The following TGFB2 variants were observed in gnomAD, a reference collection of about 807,000 sequenced individuals.
TGFB2 encodes the protein transforming growth factor beta 2.
A neutral mutation model predicts 42.7 loss-of-function variants in TGFB2; 13 were observed. The observed-to-expected ratio is 0.30, with a 90% CI of 0.20 to 0.48. The LOEUF (loss-of-function observed/expected upper bound fraction) is 0.48, where lower values mean the gene tolerates loss of function less well. Among genes scored for constraint, TGFB2 ranks in the 20% least tolerant of loss-of-function variants. TGFB2 has a pLI of 0.99. For synonymous variants in TGFB2, 193 were observed against 193.6 expected, an observed-to-expected ratio of 1.00 and a Z score of 0.03; for missense variants, 390 against 517.5, an observed-to-expected ratio of 0.75 and a Z score of 2.39.
chr1:218,408,325 G>A (rs1384632310), intron 2 of TGFB2, among the ~76,000 whole-genome samples: 1 of 152,100 alleles, frequency 6.6e-6, no homozygotes. Flanking sequence ...CTTGGTAGAT[G>A]TGCCTCAGAG....
At chr1:218,357,069 G>C (rs550893170) in intron 1 of TGFB2, among the ~76,000 whole-genome samples, 32 of 152,054 alleles carry the variant, frequency 2.1e-4, no homozygotes, top group African/African-American at 7.0e-4. Flanking sequence ...AAAATTAGCC[G>C]GGCATGGTGG....
rs576293141 is a variant in TGFB2, at chr1:218,393,137, A to G, written c.347-12032A>G. ...ACCCGCTACACCCATTAAGCATGTC[A>G]AAAGTCCATACTAGTCATTACAGAG... On this transcript the variant is annotated intron_variant, in intron 1 of 6. Transcript: ENST00000366930. 2.0e-5 allele frequency among the ~76,000 whole-genome samples: 3 copies of G among 152,326 alleles called. No homozygotes were observed. The South Asian group carries it at 6.2e-4, about 32-fold the overall frequency.
intron 1 of TGFB2, among the ~76,000 whole-genome samples, chr1:218,350,336 CA>C (rs1656830439): frequency 6.6e-6 from 1 of 152,142 alleles, no homozygotes; most frequent in African/African-American, 2.4e-5. Flanking sequence ...GAACGTTTGG[CA>C]ATGTCCAGAG....
Position 218,434,392 on chromosome 1 carries a change from C to T in TGFB2, c.698C>T (p.Pro233Leu), listed in dbSNP as rs1477299082. 3 of 1,613,816 alleles carry T rather than the reference C, an allele frequency of 1.9e-6. No individual in the cohort carries two copies. The Admixed American group carries it at 5.0e-5, about 27-fold the overall frequency. The change falls in exon 4 of 7, where the codon CCA (proline) becomes CTA (leucine). Residue 233 changes from proline to leucine, a missense_variant. Transcript: ENST00000366930. ...CACTGTCCCTGCTGCACTTTTGTACCATCTAATAATTACATCATCCCAAAT... is the reference window on the plus strand; with the variant it reads ...CACTGTCCCTGCTGCACTTTTGTACTATCTAATAATTACATCATCCCAAAT... ...SLHCPCCTFV[P>L]SNNYIIPNKS...
At chr1:218,405,080 A>T in intron 1 of TGFB2, 89 bp from the exon 2 acceptor site, 2 of 1,393,744 alleles carry the variant, frequency 1.4e-6, no homozygotes, top group Non-Finnish European at 1.9e-6. Flanking sequence ...TATTTCCCTT[A>T]TGGTTTCTTG....
At chr1:218,381,907 T>C (rs1049710434) in intron 1 of TGFB2, among the ~76,000 whole-genome samples, 1 of 152,182 alleles carries the variant, frequency 6.6e-6, no homozygotes, top group African/African-American at 2.4e-5. Flanking sequence ...AGGGAAGATT[T>C]ATTTTTAAAT....
At chr1:218,422,811 G>A (rs1453496325) in intron 2 of TGFB2, among the ~76,000 whole-genome samples, 3 of 152,092 alleles carry the variant, frequency 2.0e-5, no homozygotes, top group African/African-American at 7.2e-5. Context: ...ATAATGCAAT[G>A]CTTTGCTTAC....
intron 1 of TGFB2, among the ~76,000 whole-genome samples, chr1:218,368,037 G>A (rs1443213674): frequency 2.6e-5 from 4 of 152,136 alleles, no homozygotes; most frequent in African/African-American, 4.8e-5. Context: ...TCTTGACCTC[G>A]TGATCCGCCT....
intron 1 of TGFB2, among the ~76,000 whole-genome samples, chr1:218,386,923 G>A (rs1223334497): frequency 1.3e-5 from 2 of 152,140 alleles, no homozygotes; most frequent in African/African-American, 4.8e-5. Flanking sequence ...TAAAGATACA[G>A]AAATAAAGTG....
intron 1 of TGFB2, among the ~76,000 whole-genome samples, chr1:218,390,351 C>A (rs12129220): frequency 0.18 from 27,288 of 150,750 alleles, 2,704 homozygotes; most frequent in East Asian, 0.37. Flanking sequence ...AAAAAAAAAA[C>A]AGCTTATTTT....
Position 218,436,277 on chromosome 1 carries a change from C to T in TGFB2, c.932+130C>T, listed in dbSNP as rs550795031. ...GGCCAGATAGAGTGCAGTACAGCTC[C>T]TGTGTCTCATAATACCATTCTTCCC... On this transcript the variant is annotated intron_variant, in intron 5 of 6. Coordinates refer to ENST00000366930, the MANE Select transcript of TGFB2 (RefSeq NM_003238.6). 181 of 833,234 alleles carry T rather than the reference C, an allele frequency of 2.2e-4. 3 individuals are homozygous for T. In the South Asian group the frequency reaches 3.0e-3, roughly 14 times the overall value. The allele number at this position is 833,234 out of a possible 1,614,324, so 51.6% of individuals were successfully genotyped here. A position where few individuals can be genotyped will look rare whatever the true frequency, so the allele number is the denominator to read the frequency against.
chr1:218,419,963 G>T (rs1659400428), intron 2 of TGFB2, among the ~76,000 whole-genome samples: 1 of 152,182 alleles, frequency 6.6e-6, no homozygotes, highest in African/African-American at 2.4e-5. Context: ...TTAGTTTATA[G>T]TCACATGCCC....
In TGFB2 at chr1:218,441,176, T is replaced by G. The variant is rs757497221; in HGVS notation, c.1087-28T>G. On this transcript the variant is annotated intron_variant, in intron 6 of 6. Transcript: ENST00000366930. ...CGTTCATTTTCCGTCTTTCCCTATGTTGTCTCTCCTCTCCTGTGTCCTTTC... is the reference window on the plus strand; with the variant it reads ...CGTTCATTTTCCGTCTTTCCCTATGGTGTCTCTCCTCTCCTGTGTCCTTTC... The G allele has an allele frequency of 7.0e-6, 11 of 1,580,902 alleles. No individual in the cohort carries two copies. The African/African-American group carries it at 1.5e-4, about 22-fold the overall frequency.
intron 1 of TGFB2, among the ~76,000 whole-genome samples, chr1:218,398,779 G>T (rs1218660557): frequency 6.6e-6 from 1 of 152,062 alleles, no homozygotes; most frequent in East Asian, 1.9e-4. Context: ...GTAGAGACGG[G>T]GTTTCACCAT....
intron 2 of TGFB2, among the ~76,000 whole-genome samples, chr1:218,406,106 C>T (rs1658902023): frequency 6.6e-6 from 1 of 151,856 alleles, no homozygotes; most frequent in Non-Finnish European, 1.5e-5. Flanking sequence ...TTTCTCCTCT[C>T]TTTGCAACCT....
At position 218,346,724 on chromosome 1, in the gene TGFB2, C is replaced by T. The variant is rs763141894; in HGVS notation, c.23C>T (p.Ala8Val). 6.2e-7 allele frequency: 1 copy of T among 1,613,324 alleles called. No individual in the cohort carries two copies. The highest frequency in any genetic ancestry group is 1.1e-5 in the South Asian group (1 of 90,946). Residue 8 changes from alanine to valine, a missense_variant, in exon 1 of 7, where the codon GCT (alanine) becomes GTT (valine). Coordinates refer to ENST00000366930, the MANE Select transcript of TGFB2 (RefSeq NM_003238.6). This position sits in a 1 kb window ranked among gnomAD's most constrained non-coding sequence, Gnocchi z 4.9. ...AAAATGCACTACTGTGTGCTGAGCG[C>T]TTTTCTGATCCTGCATCTGGTCACG... MHYCVLS[A>V]FLILHLVTVA...
chr1:218,377,000 T>TA (rs1377180157), intron 1 of TGFB2, among the ~76,000 whole-genome samples: 9 of 151,840 alleles, frequency 5.9e-5, no homozygotes, highest in Non-Finnish European at 1.3e-4. Flanking sequence ...CTCAAGTGAC[T>TA]CTCCCACCTC....
At chr1:218,381,853 A>G (rs911562323) in intron 1 of TGFB2, among the ~76,000 whole-genome samples, 4 of 152,158 alleles carry the variant, frequency 2.6e-5, no homozygotes, top group African/African-American at 9.7e-5. Flanking sequence ...GTGTGTGCAC[A>G]CGCGCGTGCC....
At chr1:218,383,470 T>C (rs1658030707) in intron 1 of TGFB2, among the ~76,000 whole-genome samples, 1 of 152,202 alleles carries the variant, frequency 6.6e-6, no homozygotes, top group African/African-American at 2.4e-5. Context: ...TAATTTGCCC[T>C]TCAGAAGTCA....
Sources: allele counts gnomAD v4.1 joint callset (sites outside exome capture counted in the v4.1 genomes callset), GRCh38; gene constraint gnomAD v4.1.1; non-coding constraint Gnocchi (gnomAD v3.1); transcripts MANE v1.5; gene names NCBI Gene and HGNC (gene_info 2026-07-23, HGNC 2026-07-21).